RPH3AL: variants seen among roughly 807,000 people sequenced by gnomAD.
The protein encoded by RPH3AL is rab effector Noc2.
In RPH3AL, 38 loss-of-function variants were observed where a neutral mutation model predicts 43.1. That is an observed-to-expected ratio of 0.88 (90% CI 0.68 to 1.15). The LOEUF (loss-of-function observed/expected upper bound fraction) is 1.15, where lower values mean the gene tolerates loss of function less well. RPH3AL is among the 50% of genes most tolerant of loss of function. The pLI is 0.00. For synonymous variants in RPH3AL, 189 were observed against 176.3 expected (o/e 1.07, Z -0.57); for missense variants, 462 against 423.2 (o/e 1.09, Z -0.81).
rs2042991886 is a variant in RPH3AL, at chr17:289,265, G to A, written c.352-7411C>T. 1.3e-5 allele frequency among the ~76,000 whole-genome samples: 2 copies of A among 152,078 alleles called. No homozygotes were observed. Among genetic ancestry groups the A allele is most frequent in the Admixed American group, 1.3e-4 (2 of 15,284 alleles). ...AAAGGTTAGGTAGGCGGCAACCTCA[G>A]ACCTTTATAGCCATGCCTGTCTCAG... is the stretch of plus-strand genomic sequence containing the variant. On this transcript the variant is annotated intron_variant, in intron 5 of 9. Transcript: ENST00000331302. The surrounding 1 kb of genome is among the most constrained non-coding windows in gnomAD (Gnocchi z 5.2).
At chr17:224,228 G>A (rs1243012914) in intron 7 of RPH3AL, among the ~76,000 whole-genome samples, 2 of 143,550 alleles carry the variant, frequency 1.4e-5, no homozygotes, top group Admixed American at 6.8e-5. Context: ...CAAAAGCACA[G>A]ATCCCAGCTT....
At chr17:331,584 G>C (rs1245543589) in intron 2 of RPH3AL, 16 of 1,282,952 alleles carry the variant, frequency 1.2e-5, no homozygotes, top group Non-Finnish European at 1.5e-5. Context: ...GGCAACTCGA[G>C]GAGGCACATT....
At chr17:316,280 A>G (rs758911733) in intron 5 of RPH3AL, among the ~76,000 whole-genome samples, 5,424 of 58,632 alleles carry the variant, frequency 0.093, 735 homozygotes, top group Middle Eastern at 0.2. Context: ...ATCTCCAGTG[A>G]TGCGTAGTCT....
intron 7 of RPH3AL, among the ~76,000 whole-genome samples, chr17:243,653 TTCCTCTATTGACTAC>T (rs1555538246): frequency 0.016 from 2,375 of 148,058 alleles, 4 homozygotes; most frequent in African/African-American, 0.056. Context: ...TTGATTACCC[TTCCTCTATTGACTAC>T]CTTCCTCTAT....
intron 6 of RPH3AL, among the ~76,000 whole-genome samples, chr17:258,534 G>T (rs2042121286): frequency 6.6e-6 from 1 of 152,152 alleles, no homozygotes; most frequent in Non-Finnish European, 1.5e-5. Flanking sequence ...ACTGCCCAGG[G>T]TGCTCCCAGC....
rs144801124 is a variant in RPH3AL at position 302,809 on chromosome 17, T to G, written c.351+16611A>C. On this transcript the variant is annotated intron_variant, in intron 5 of 9. Transcript: ENST00000331302. ...ATGGGACGATGTTTTTGATATCTTA[T>G]TAAGTGGAAAAAGAAGATGAAAAAA... Among the ~76,000 whole-genome samples the G allele has an allele frequency of 2.6e-5, 4 of 152,280 alleles. No homozygotes were observed. The East Asian group carries it at 7.7e-4, about 29-fold the overall frequency.
intron 7 of RPH3AL, among the ~76,000 whole-genome samples, chr17:229,553 C>T (rs1308427123): frequency 6.6e-6 from 1 of 152,192 alleles, no homozygotes; most frequent in Non-Finnish European, 1.5e-5. Flanking sequence ...CCTTCTGAGC[C>T]ACGACGGAGG....
chr17:236,827 G>A (rs1037785611), intron 7 of RPH3AL, among the ~76,000 whole-genome samples: 8 of 152,276 alleles, frequency 5.3e-5, no homozygotes, highest in South Asian at 2.1e-4. Context: ...AGAACTGAGC[G>A]ACAGCCTGAC....
chr17:258,102 G>C (rs2042104685), intron 6 of RPH3AL, among the ~76,000 whole-genome samples: 2 of 152,196 alleles, frequency 1.3e-5, no homozygotes, highest in African/African-American at 4.8e-5. Context: ...TTCTGAGGCT[G>C]AGCAATGTTC....
chr17:215,635 G>A lies in RPH3AL; in HGVS notation c.876+19C>T, dbSNP rs1248595792. Reference sequence around the variant, plus strand: ...CCGCGGGGGCAGGAGAGGGGAGAAGGCAGCAGTTGGGTACTCACCGGGGCC... The same window carrying A: ...CCGCGGGGGCAGGAGAGGGGAGAAGACAGCAGTTGGGTACTCACCGGGGCC... On this transcript the variant is annotated intron_variant, in intron 9 of 9. Coordinates refer to ENST00000331302, the MANE Select transcript of RPH3AL (RefSeq NM_006987.4). This position sits in a 1 kb window ranked among gnomAD's most constrained non-coding sequence, Gnocchi z 4.1. The A allele has an allele frequency of 5.5e-6, 7 of 1,264,004 alleles. No individual in the cohort carries two copies. Among genetic ancestry groups the A allele is most frequent in the South Asian group, 3.6e-5 (1 of 27,904 alleles). 78.3% of individuals were successfully genotyped at this position (1,264,004 alleles called of 1,614,324 possible).
chr17:323,723 C>A lies in RPH3AL; in HGVS notation c.78-2308G>T, dbSNP rs73971741. Among the ~76,000 whole-genome samples, 2,579 of 152,312 alleles carry A rather than the reference C, an allele frequency of 0.017. 73 individuals are homozygous for A. Among genetic ancestry groups the A allele is most frequent in the African/African-American group, 0.059 (2,469 of 41,548 alleles). ...CCTGTCCTGATGGACACGGGTCCCA[C>A]GAGCTTGTTCTGGGGCTGGTGATGG... is the stretch of plus-strand genomic sequence containing the variant. On this transcript the variant is annotated intron_variant, in intron 3 of 9. Transcript: ENST00000331302. This position sits in a 1 kb window ranked among gnomAD's most constrained non-coding sequence, Gnocchi z 4.4.
At chr17:296,868 C>T in intron 5 of RPH3AL, among the ~76,000 whole-genome samples, 1 of 152,164 alleles carries the variant, frequency 6.6e-6, no homozygotes, top group East Asian at 1.9e-4. Flanking sequence ...GGAAAAGGAA[C>T]CCACCAGCTC....
At position 309,768 on chromosome 17, in the gene RPH3AL, C is replaced by G. The variant is rs571917725; in HGVS notation, c.351+9652G>C. ...CTGCCCTGCCCCAGGCTCCTGCCAG[C>G]CCCCCTGCCAGGGGTCCGGGATGAC... On this transcript the variant is annotated intron_variant, in intron 5 of 9. Coordinates refer to ENST00000331302, the MANE Select transcript of RPH3AL (RefSeq NM_006987.4). Among the ~76,000 whole-genome samples the G allele has an allele frequency of 1.7e-3, 259 of 150,566 alleles. 2 individuals carry two copies. The highest frequency in any genetic ancestry group is 6.2e-3 in the African/African-American group (255 of 40,940).
intron 6 of RPH3AL, among the ~76,000 whole-genome samples, chr17:276,575 C>G (rs2042660725): frequency 6.6e-6 from 1 of 152,094 alleles, no homozygotes; most frequent in South Asian, 2.1e-4. Context: ...TATTTTTTTG[C>G]AGAGAAAAAG....
At chr17:243,714 G>GACTACCTTCCTCT (rs1567578340) in intron 7 of RPH3AL, among the ~76,000 whole-genome samples, 3 of 136,020 alleles carry the variant, frequency 2.2e-5, no homozygotes, top group Admixed American at 7.6e-5. Context: ...TTCCTCTATT[G>GACTACCTTCCTCT]ATTACCCTTC....
chr17:237,705 T>G (rs903445275), intron 7 of RPH3AL, among the ~76,000 whole-genome samples: 5 of 152,154 alleles, frequency 3.3e-5, no homozygotes, highest in Non-Finnish European at 7.4e-5. Context: ...TGACAAGGCT[T>G]TCAATGATAC....
At chr17:338,177 C>T in intron 1 of RPH3AL, among the ~76,000 whole-genome samples, 1 of 152,070 alleles carries the variant, frequency 6.6e-6, no homozygotes, top group South Asian at 2.1e-4. Flanking sequence ...AGCAGGGAAA[C>T]CAGGCTGGGC....
intron 1 of RPH3AL, chr17:349,181 G>T (rs2045307155): frequency 6.6e-6 from 1 of 152,100 alleles, no homozygotes; most frequent in Admixed American, 6.6e-5. Context: ...GGGAGAGAAT[G>T]GTCCTCCCAG....
chr17:328,231 G>A lies in RPH3AL; in HGVS notation c.-36-652C>T, dbSNP rs992162932. Reference sequence around the variant, plus strand: ...TGGCCCTGCTCCAGGACCCCCTGAGGGCTTCACCTGTGCACTGTCTAGTGT... The same window carrying A: ...TGGCCCTGCTCCAGGACCCCCTGAGAGCTTCACCTGTGCACTGTCTAGTGT... On this transcript the variant is annotated intron_variant, in intron 2 of 9. Transcript: ENST00000331302. The surrounding 1 kb of genome is among the most constrained non-coding windows in gnomAD (Gnocchi z 4.2). Among the ~76,000 whole-genome samples, 3 of 151,720 alleles carry A rather than the reference G, an allele frequency of 2.0e-5. No individual in the cohort carries two copies. Among genetic ancestry groups the A allele is most frequent in the African/African-American group, 7.3e-5 (3 of 41,288 alleles).
Sources: allele counts gnomAD v4.1 joint callset (sites outside exome capture counted in the v4.1 genomes callset), GRCh38; gene constraint gnomAD v4.1.1; non-coding constraint Gnocchi (gnomAD v3.1); transcripts MANE v1.5; gene names NCBI Gene and HGNC (gene_info 2026-07-23, HGNC 2026-07-21).